Variants in CCNYL1 observed in about 807,000 individuals in gnomAD.
CCNYL1 encodes cyclin-Y-like protein 1.
In CCNYL1, 16 loss-of-function variants were observed where a neutral mutation model predicts 44.2. The ratio of observed to expected loss-of-function variants is 0.36; its 90% CI spans 0.25 to 0.55. CCNYL1 has a LOEUF of 0.55. Ranked by LOEUF, CCNYL1 falls within the 20% of genes least tolerant of loss-of-function variation. CCNYL1 has a pLI of 0.85. For synonymous variants in CCNYL1, 159 were observed against 163.2 expected (o/e 0.97, Z 0.20); for missense variants, 348 against 451.8 (o/e 0.77, Z 2.08).
chr2:207,742,415 A>T (rs1423941628), intron 7 of CCNYL1, 73 bp downstream of exon 7: 3 of 1,342,082 alleles, frequency 2.2e-6, no homozygotes, highest in Admixed American at 4.8e-5. Context: ...TATTTTTCAA[A>T]TAAAAATAGG....
At chr2:207,735,833 C>T (rs2091760699) in intron 4 of CCNYL1, among the ~76,000 whole-genome samples, 1 of 151,918 alleles carries the variant, frequency 6.6e-6, no homozygotes, top group South Asian at 2.1e-4. Flanking sequence ...CATTTTACTC[C>T]AGCCTGGGCG....
chr2:207,746,868 C>T lies in CCNYL1; in HGVS notation c.640-179C>T, dbSNP rs557381131. Among the ~76,000 whole-genome samples the T allele has an allele frequency of 1.1e-4, 17 of 151,528 alleles. No homozygotes were observed. The South Asian group carries it at 2.3e-3, about 20-fold the overall frequency. On this transcript the variant is annotated intron_variant, in intron 7 of 9. Transcript: ENST00000295414. ...GCGCATGCCTGTAATCCCACCTAGT[C>T]GGGAGGCCGAGGCAGGAGAATCACT...
intron 9 of CCNYL1, among the ~76,000 whole-genome samples, chr2:207,752,218 T>G (rs746952356): frequency 1.3e-5 from 2 of 152,120 alleles, no homozygotes; most frequent in African/African-American, 2.4e-5. Flanking sequence ...ACCTATACCC[T>G]TCACTGTATA....
At chr2:207,712,676 T>C (rs574234943) in intron 1 of CCNYL1, among the ~76,000 whole-genome samples, 7 of 152,288 alleles carry the variant, frequency 4.6e-5, no homozygotes, top group African/African-American at 1.7e-4. Flanking sequence ...CACTATATGG[T>C]ATTCCTAATA....
intron 5 of CCNYL1, among the ~76,000 whole-genome samples, chr2:207,737,665 A>G (rs995481935): frequency 3.3e-5 from 5 of 151,176 alleles, no homozygotes; most frequent in South Asian, 4.2e-4. Context: ...ATTGATATTT[A>G]TTGCATTAGA....
chr2:207,745,326 CT>C (rs2091846934), intron 7 of CCNYL1, among the ~76,000 whole-genome samples: 1 of 152,100 alleles, frequency 6.6e-6, no homozygotes, highest in Non-Finnish European at 1.5e-5. Flanking sequence ...ATGGAGTTGG[CT>C]TTAGTGGGAA....
Position 207,734,014 on chromosome 2 carries a change from T to C in CCNYL1, c.398T>C (p.Val133Ala), listed in dbSNP as rs1189694372. The change falls in exon 4 of 10, where the codon GTC (valine) becomes GCC (alanine). Residue 133 changes from valine (V) to alanine (A), a missense_variant. Val to Ala is a moderately conservative substitution (Grantham distance 64). This residue lies in a region of CCNYL1 where 209 missense variants were observed against 247.7 expected (regional missense o/e 0.84). Transcript: ENST00000295414. ...ACAATATTTCTAGATGACAGCACAG[T>C]CAGCCAGCCTAATCTTAGAACCACA... is the stretch of plus-strand genomic sequence containing the variant. ...CSTIFLDDST[V>A]SQPNLRTTVK... 5 of 1,613,658 alleles carry C rather than the reference T, an allele frequency of 3.1e-6. No homozygotes were observed. Among genetic ancestry groups the C allele is most frequent in the Non-Finnish European group, 3.4e-6 (4 of 1,179,618 alleles).
intron 1 of CCNYL1, among the ~76,000 whole-genome samples, chr2:207,713,430 G>T (rs763852606): frequency 2.6e-5 from 4 of 152,084 alleles, no homozygotes; most frequent in African/African-American, 9.7e-5. Flanking sequence ...GTTGGGGTTC[G>T]TCAGACTCTA....
intron 6 of CCNYL1, 124 bp from the exon 7 acceptor site, chr2:207,742,099 C>T (rs985312779): frequency 3.3e-6 from 3 of 902,540 alleles, no homozygotes; most frequent in Non-Finnish European, 4.9e-6. Context: ...TGCAGTGAGC[C>T]AAGATCATGC....
In CCNYL1 at chr2:207,755,012, A is replaced by G. The variant is rs1351854993; in HGVS notation, c.*1314A>G. 6.6e-6 allele frequency: 1 copy of G among 151,986 alleles called. No homozygotes were observed. The highest frequency in any genetic ancestry group is 1.5e-5 in the Non-Finnish European group (1 of 68,008). The allele number at this position is 151,986 out of a possible 1,614,324, so 9.4% of individuals were successfully genotyped here. ...TGCAGTGTACCATGATGGTGCCTAT[A>G]GGAATAGCTACTACACTCCAACCTG... is the stretch of plus-strand genomic sequence containing the variant. On this transcript the variant is annotated 3_prime_UTR_variant, in exon 10 of 10. Transcript: ENST00000295414.
At chr2:207,737,518 C>A in intron 5 of CCNYL1, 72 bp downstream of exon 5, 2 of 1,230,420 alleles carry the variant, frequency 1.6e-6, no homozygotes, top group South Asian at 2.5e-5. Flanking sequence ...AGTATTAGGT[C>A]ATAACTATAG....
At chr2:207,741,036 A>C (rs2091805363) in intron 6 of CCNYL1, among the ~76,000 whole-genome samples, 1 of 151,398 alleles carries the variant, frequency 6.6e-6, no homozygotes, top group Non-Finnish European at 1.5e-5. Context: ...CAGGCGGATC[A>C]CGAGGTCAGG....
chr2:207,742,489 G>A (rs2091819069), intron 7 of CCNYL1, 147 bp downstream of exon 7: 3 of 736,706 alleles, frequency 4.1e-6, no homozygotes, highest in Non-Finnish European at 4.3e-6. Context: ...ACGTACATTC[G>A]CGTTTAATCA....
intron 7 of CCNYL1, among the ~76,000 whole-genome samples, chr2:207,744,228 T>TTGTGTGTG (rs61530643): frequency 0.12 from 18,312 of 150,244 alleles, 1,870 homozygotes; most frequent in East Asian, 0.36. Context: ...CAGGAACATT[T>TTGTGTGTG]TGTGTGTGTG....
chr2:207,738,047 G>T (rs754729050), intron 5 of CCNYL1, among the ~76,000 whole-genome samples: 1 of 151,840 alleles, frequency 6.6e-6, no homozygotes, highest in Non-Finnish European at 1.5e-5. Flanking sequence ...TTTAGATACA[G>T]TGAGTACATG....
rs1372307887 is a variant in CCNYL1, at chr2:207,754,970, G to C, written c.*1272G>C. Reference sequence around the variant, plus strand: ...AGGCTGAGGCTGGAGGATTGCTTGAGGTCAAGTATTGGAGGCTGCAGTGTA... The same window carrying C: ...AGGCTGAGGCTGGAGGATTGCTTGACGTCAAGTATTGGAGGCTGCAGTGTA... On this transcript the variant is annotated 3_prime_UTR_variant, in exon 10 of 10. Transcript: ENST00000295414. 2.0e-5 allele frequency: 3 copies of C among 152,126 alleles called. No individual in the cohort carries two copies. Among genetic ancestry groups the C allele is most frequent in the Admixed American group, 6.5e-5 (1 of 15,278 alleles). 9.4% of individuals were successfully genotyped at this position (152,126 alleles called of 1,614,324 possible). A position where few individuals can be genotyped will look rare whatever the true frequency, so the allele number is the denominator to read the frequency against.
chr2:207,714,312 C>CTTTT lies in CCNYL1; in HGVS notation c.220+2219_220+2222dup, dbSNP rs60004559. 9.5e-4 allele frequency: 295 copies of CTTTT among 309,884 alleles called. 5 individuals carry two copies. The highest frequency in any genetic ancestry group is 1.1e-3 in the Middle Eastern group (1 of 876). 19.2% of individuals were successfully genotyped at this position (309,884 alleles called of 1,614,324 possible). ...CGATTCAGAGGCAACACTTACATCT[C>CTTTT]TTTTTTTTTTTTTTTTTTTTTTTTT... On this transcript the variant is annotated intron_variant, in intron 1 of 9. Transcript: ENST00000295414.
At chr2:207,731,219 T>C (rs1301627089) in intron 3 of CCNYL1, among the ~76,000 whole-genome samples, 1 of 152,160 alleles carries the variant, frequency 6.6e-6, no homozygotes, top group Non-Finnish European at 1.5e-5. Flanking sequence ...TTACCTCTTA[T>C]TTTAAATGGG....
At chr2:207,752,447 T>C (rs1384989049) in intron 9 of CCNYL1, among the ~76,000 whole-genome samples, 1 of 151,832 alleles carries the variant, frequency 6.6e-6, no homozygotes, top group African/African-American at 2.4e-5. Context: ...GGCATGAGAA[T>C]TGCTTGAACC....
Sources: gnomAD v4.1 joint callset for allele counts (sites outside exome capture counted in the v4.1 genomes callset) on GRCh38, gnomAD v4.1.1 for gene constraint, gnomAD v4.1.1 regional missense constraint, MANE v1.5 for transcripts, NCBI Gene and HGNC (gene_info 2026-07-23, HGNC 2026-07-21) for gene names.